The following PHACTR1 variants were observed in gnomAD, a reference collection of about 807,000 sequenced individuals.
The protein encoded by PHACTR1 is RPEL repeat containing 1.
Under a neutral mutation model 69.2 loss-of-function variants are expected in PHACTR1, and 16 were observed. The ratio of observed to expected loss-of-function variants is 0.23; its 90% confidence interval spans 0.16 to 0.35. The LOEUF (loss-of-function observed/expected upper bound fraction) is 0.35, where lower values mean the gene tolerates loss of function less well. PHACTR1 is among the 10% of genes least tolerant of loss of function. The probability of loss-of-function intolerance (pLI) is 1.00; values close to 1 mark genes in which losing one functional copy is unlikely to be tolerated. For missense variants in PHACTR1, 510 were observed against 734.7 expected, an observed-to-expected ratio of 0.69 and a Z score of 3.54; for synonymous variants, 312 against 284.5, an observed-to-expected ratio of 1.10 and a Z score of -0.97.
At chr6:12,957,393 C>T (rs1425353368) in intron 4 of PHACTR1, 8 of 985,266 alleles carry the variant, frequency 8.1e-6, no homozygotes, top group Non-Finnish European at 9.6e-6. Context: ...ACGGCCGAGG[C>T]AGGTCGGGGG....
At chr6:13,069,046 G>A (rs1809101533) in intron 5 of PHACTR1, among the ~76,000 whole-genome samples, 1 of 152,158 alleles carries the variant, frequency 6.6e-6, no homozygotes, top group Non-Finnish European at 1.5e-5. Flanking sequence ...CACAGAGACA[G>A]ATGTGCAGGC....
At chr6:12,806,329 TTC>T (rs1429931899) in intron 4 of PHACTR1, among the ~76,000 whole-genome samples, 3 of 152,224 alleles carry the variant, frequency 2.0e-5, no homozygotes, top group Non-Finnish European at 4.4e-5. Flanking sequence ...AAACGTTCAT[TTC>T]TCTTTTTCTC....
At chr6:12,760,271 C>T (rs1257077671) in intron 4 of PHACTR1, among the ~76,000 whole-genome samples, 1 of 152,126 alleles carries the variant, frequency 6.6e-6, no homozygotes, top group Admixed American at 6.5e-5. Flanking sequence ...TATATTTTAC[C>T]CCTATTCAAT....
intron 5 of PHACTR1, among the ~76,000 whole-genome samples, chr6:13,054,083 G>A (rs1806414353): frequency 6.6e-6 from 1 of 152,216 alleles, no homozygotes; most frequent in South Asian, 2.1e-4. Flanking sequence ...AATCAGCACA[G>A]CTGAGGGGTT....
intron 4 of PHACTR1, among the ~76,000 whole-genome samples, chr6:12,928,307 T>C (rs1788491474): frequency 6.6e-6 from 1 of 152,158 alleles, no homozygotes; most frequent in South Asian, 2.1e-4. Flanking sequence ...GAAGCCACGG[T>C]TGGTCCTTAT....
chr6:12,830,880 G>A (rs1777492667), intron 4 of PHACTR1, among the ~76,000 whole-genome samples: 2 of 152,076 alleles, frequency 1.3e-5, no homozygotes, highest in Non-Finnish European at 2.9e-5. Flanking sequence ...ACAGGCATGA[G>A]CCACTGTACC....
rs960670704 is a variant in PHACTR1, at chr6:12,934,930, G to A, written c.251-118435G>A. On this transcript the variant is annotated intron_variant, in intron 4 of 14. Transcript: ENST00000332995. ...TGCACTATAAGAGATTGCTCAAGAT[G>A]TACAAGACCCTGTCTCTATTTTCAA... Among the ~76,000 whole-genome samples the A allele has an allele frequency of 2.6e-5, 4 of 152,164 alleles. No individual in the cohort carries two copies. In the South Asian group the frequency reaches 8.3e-4, roughly 32 times the overall value.
In PHACTR1 at chr6:13,266,372, T is replaced by G. The variant is rs909830285; in HGVS notation, c.1392-6488T>G. Among the ~76,000 whole-genome samples the G allele has an allele frequency of 1.8e-4, 28 of 152,126 alleles. 1 individual carries two copies. The highest frequency in any genetic ancestry group is 2.9e-5 in the Non-Finnish European group (2 of 68,014). Reference sequence around the variant, plus strand: ...CCATATAATAACCAGCATGATCTCTTTCCACTGTAAGTCTGATCATTTCAT... The same window carrying G: ...CCATATAATAACCAGCATGATCTCTGTCCACTGTAAGTCTGATCATTTCAT... On this transcript the variant is annotated intron_variant, in intron 10 of 14. Coordinates refer to ENST00000332995, the MANE Select transcript of PHACTR1 (RefSeq NM_030948.6).
At chr6:12,860,632 G>T (rs1780845212) in intron 4 of PHACTR1, among the ~76,000 whole-genome samples, 1 of 152,040 alleles carries the variant, frequency 6.6e-6, no homozygotes, top group Non-Finnish European at 1.5e-5. Flanking sequence ...AAGCATTCCT[G>T]TTTCTCCACA....
chr6:12,738,966 T>A (rs1581515335), intron 3 of PHACTR1, among the ~76,000 whole-genome samples: 3 of 152,228 alleles, frequency 2.0e-5, no homozygotes, highest in Non-Finnish European at 2.9e-5. Flanking sequence ...CCATTTATTA[T>A]CAAAACTAAT....
intron 4 of PHACTR1, among the ~76,000 whole-genome samples, chr6:12,858,090 A>G (rs1780584109): frequency 6.6e-6 from 1 of 152,210 alleles, no homozygotes; most frequent in Non-Finnish European, 1.5e-5. Context: ...CTGCAACATG[A>G]AAGTTAAAAT....
chr6:13,190,801 G>A (rs1763465256), intron 7 of PHACTR1, among the ~76,000 whole-genome samples: 1 of 151,118 alleles, frequency 6.6e-6, no homozygotes, highest in African/African-American at 2.4e-5. Flanking sequence ...AAAATACAAG[G>A]AAACTTAATA....
intron 4 of PHACTR1, among the ~76,000 whole-genome samples, chr6:12,962,403 A>G (rs1346119226): frequency 6.6e-6 from 1 of 152,224 alleles, no homozygotes; most frequent in East Asian, 1.9e-4. Context: ...TTTGGCCCCC[A>G]ACAGCTATCA....
At chr6:13,059,333 A>G (rs1481799772) in intron 5 of PHACTR1, among the ~76,000 whole-genome samples, 1 of 152,126 alleles carries the variant, frequency 6.6e-6, no homozygotes, top group Non-Finnish European at 1.5e-5. Flanking sequence ...AATGGCCATA[A>G]AAGCTCAGTT....
At chr6:12,798,070 C>CACACACACACACACACA (rs1773277304) in intron 4 of PHACTR1, among the ~76,000 whole-genome samples, 2 of 6,512 alleles carry the variant, frequency 3.1e-4, no homozygotes, top group African/African-American at 7.1e-4. Context: ...ACACACACAC[C>CACACACACACACACACA]CCTACATAAG....
chr6:13,064,253 T>C (rs1808142781), intron 5 of PHACTR1, among the ~76,000 whole-genome samples: 1 of 151,812 alleles, frequency 6.6e-6, no homozygotes, highest in African/African-American at 2.4e-5. Context: ...ATCCAAGAGA[T>C]ATTTAGGAGA....
rs191790358 is a variant in PHACTR1, at chr6:13,139,895, A to T, written c.416-20309A>T. ...CATGCTTTTGACAAAATTCATCTCC[A>T]CTTTCCCTTTGCAGAGAATTCAAAA... On this transcript the variant is annotated intron_variant, in intron 5 of 14. Transcript: ENST00000332995. Among the ~76,000 whole-genome samples the T allele has an allele frequency of 2.6e-5, 4 of 152,232 alleles. No individual in the cohort carries two copies. In the East Asian group the frequency reaches 7.7e-4, roughly 29 times the overall value.
chr6:13,057,278 T>C (rs1806941480), intron 5 of PHACTR1, among the ~76,000 whole-genome samples: 1 of 152,126 alleles, frequency 6.6e-6, no homozygotes, highest in African/African-American at 2.4e-5. Context: ...CTATTGTGTA[T>C]TAATTTTTAA....
intron 10 of PHACTR1, among the ~76,000 whole-genome samples, chr6:13,263,948 T>C (rs995711189): frequency 2.0e-5 from 3 of 152,234 alleles, no homozygotes; most frequent in Non-Finnish European, 4.4e-5. Context: ...AGATGGCTGC[T>C]TTGCTTGGTG....
Sources: gnomAD v4.1 joint callset for allele counts (sites outside exome capture counted in the v4.1 genomes callset) on GRCh38, gnomAD v4.1.1 for gene constraint, MANE v1.5 for transcripts, NCBI Gene and HGNC (gene_info 2026-07-23, HGNC 2026-07-21) for gene names.